Variants in SNAI2 observed in about 807,000 individuals in gnomAD.
SNAI2 encodes snail family transcriptional repressor 2.
Under a neutral mutation model 22.4 loss-of-function variants are expected in SNAI2, and 2 were observed. That is an observed-to-expected ratio of 0.09 (90% confidence interval 0.04 to 0.28). SNAI2 has a LOEUF of 0.28. Ranked by LOEUF, SNAI2 falls within the 10% of genes least tolerant of loss-of-function variation. The probability of loss-of-function intolerance (pLI) is 1.00; values close to 1 mark genes in which losing one functional copy is unlikely to be tolerated. For missense variants in SNAI2, 239 were observed against 320.8 expected (o/e 0.75, Z 1.95); for synonymous variants, 134 against 123.0 (o/e 1.09, Z -0.59).
At chr8:48,919,870 A>G (rs768241482) in intron 2 of SNAI2, 26 bp downstream of exon 2, 3 of 1,610,602 alleles carry the variant, frequency 1.9e-6, no homozygotes, top group South Asian at 2.2e-5. Flanking sequence ...TCAGAGTAAC[A>G]TTCCTGCCTA....
Position 48,920,259 on chromosome 8 carries a change from G to T in SNAI2, c.262C>A (p.Pro88Thr). 1.2e-6 allele frequency: 2 copies of T among 1,614,006 alleles called. No homozygotes were observed. The highest frequency in any genetic ancestry group is 1.1e-5 in the South Asian group (1 of 91,072). Residue 88 changes from proline to threonine, a missense_variant, in exon 2 of 3, where the codon CCC becomes ACC. Around this residue, in one of 3 missense-constraint regions of SNAI2, gnomAD observed 183 missense variants for 190.4 expected, o/e 0.96. Coordinates refer to ENST00000020945, the MANE Select transcript of SNAI2 (RefSeq NM_003068.5). ...GAGGAGGTGTCAGATGGAGGAGGGG[G>T]ACTCACTCGCCCCAAAGATGAGGAG... ...GYSSSLGRVSPPPPSDTSSKD... is the reference protein window; with the variant it reads ...GYSSSLGRVSTPPPSDTSSKD...
At position 48,919,961 on chromosome 8, in the gene SNAI2, C is replaced by T. The variant is rs1306669436; in HGVS notation, c.560G>A (p.Cys187Tyr). The T allele has an allele frequency of 6.2e-7, 1 of 1,614,180 alleles. No homozygotes were observed. The highest frequency in any genetic ancestry group is 8.5e-7 in the Non-Finnish European group (1 of 1,180,044). Residue 187 changes from cysteine to tyrosine, a missense_variant, in exon 2 of 3, where the codon TGC becomes TAC. Physicochemically the swap from Cys to Tyr is radical, Grantham distance 194. Around this residue, in one of 3 missense-constraint regions of SNAI2, gnomAD observed 31 missense variants for 99.0 expected, o/e 0.31. Transcript: ENST00000020945. The part of the protein sequence containing the change: ...HIRTHTLPCV[C>Y]KICGKAFSRP... ...GGAAAACGCCTTGCCGCAGATCTTG[C>T]AAACACAAGGTAATGTGTGGGTCCG...
chr8:48,921,193 G>T lies in SNAI2; in HGVS notation c.73C>A (p.His25Asn). The change falls in exon 1 of 3, where the codon CAT (histidine) becomes AAT (asparagine). Residue 25 changes from histidine (H) to asparagine (N), a missense_variant. His to Asn is a moderately conservative substitution (Grantham distance 68). Coordinates refer to ENST00000020945, the MANE Select transcript of SNAI2 (RefSeq NM_003068.5). ...TATATTTTTCTCTTTTTACCTGTAT[G>T]TGTGTCCAGTTCGCTGTAGTTTGGC... Reference protein sequence around the residue: ...KKPNYSELDTHTVIISPYLYE... With the variant: ...KKPNYSELDTNTVIISPYLYE... 6.2e-7 allele frequency: 1 copy of T among 1,610,996 alleles called. No homozygotes were observed. The highest frequency in any genetic ancestry group is 8.5e-7 in the Non-Finnish European group (1 of 1,177,332).
At position 48,920,335 on chromosome 8, in the gene SNAI2, A is replaced by C. The variant is rs753012648; in HGVS notation, c.186T>G (p.Ala62=). ...TGGGTAGCTGGGCGTGGAATGGAGCAGCGGTAGTCCACACAGTGATGGGGC... is the reference window on the plus strand; with the variant it reads ...TGGGTAGCTGGGCGTGGAATGGAGCCGCGGTAGTCCACACAGTGATGGGGC... ...AYSPITVWTT[A]APFHAQLPNG... is the part of the protein sequence containing the mutation. Residue 62 remains alanine, a synonymous_variant, in exon 2 of 3, where the codon GCT becomes GCG. Transcript: ENST00000020945. 5.6e-6 allele frequency: 9 copies of C among 1,612,450 alleles called. No homozygotes were observed. The highest frequency in any genetic ancestry group is 1.3e-5 in the African/African-American group (1 of 74,836).
At position 48,918,840 on chromosome 8, in the gene SNAI2, T is replaced by A. The variant is rs1477087613; in HGVS notation, c.774A>T (p.Lys258Asn). The A allele has an allele frequency of 6.2e-7, 1 of 1,614,182 alleles. No homozygotes were observed. Among genetic ancestry groups the A allele is most frequent in the Non-Finnish European group, 8.5e-7 (1 of 1,180,016 alleles). Residue 258 changes from lysine (K) to asparagine (N), a missense_variant, in exon 3 of 3, where the codon AAA becomes AAT. Lys to Asn is a moderately conservative substitution (Grantham distance 94). Coordinates refer to ENST00000020945, the MANE Select transcript of SNAI2 (RefSeq NM_003068.5). ...KTFSRMSLLHKHEESGCCVAH is the reference protein window; with the variant it reads ...KTFSRMSLLHNHEESGCCVAH ...CTACACAGCAGCCAGATTCCTCATG[T>A]TTGTGCAGGAGAGACATTCTGGAGA...
Position 48,918,740 on chromosome 8 carries a change from C to G in SNAI2, c.*67G>C. On this transcript the variant is annotated 3_prime_UTR_variant, in exon 3 of 3. Transcript: ENST00000020945. The stretch of plus-strand genomic sequence containing the variant: ...CAGCACAGGAGAAAATGCCTTTGGA[C>G]TTTATTTGTCATTTGGCTTCGGAGT... 6.3e-7 allele frequency: 1 copy of G among 1,581,038 alleles called. No individual in the cohort carries two copies. Among genetic ancestry groups the G allele is most frequent in the Non-Finnish European group, 8.7e-7 (1 of 1,150,584 alleles).
Position 48,919,006 on chromosome 8 carries a change from G to GA in SNAI2, c.626-19dup, listed in dbSNP as rs1307321160. 1.7e-5 allele frequency: 27 copies of GA among 1,607,434 alleles called. No homozygotes were observed. Among genetic ancestry groups the GA allele is most frequent in the Admixed American group, 6.8e-5 (4 of 59,194 alleles). On this transcript the variant is annotated intron_variant, in intron 2 of 2. Coordinates refer to ENST00000020945, the MANE Select transcript of SNAI2 (RefSeq NM_003068.5). Reference sequence around the variant, plus strand: ...CTTCTCCCCTGGGGGTGGAGTGGGAGAAAAAAAGAAAGACAGTCAGTGTTT... The same window carrying GA: ...CTTCTCCCCTGGGGGTGGAGTGGGAGAAAAAAAAGAAAGACAGTCAGTGTTT...
intron 2 of SNAI2, among the ~76,000 whole-genome samples, chr8:48,919,193 C>T (rs934815056): frequency 6.6e-6 from 1 of 152,172 alleles, no homozygotes; most frequent in Non-Finnish European, 1.5e-5. Context: ...AAATCATACA[C>T]GAATATTATT....
At position 48,918,441 on chromosome 8, in the gene SNAI2, C is replaced by A. The variant is rs1806110515; in HGVS notation, c.*366G>T. ...GACTCTATTACAAAGCAATACTGTT[C>A]TTTTCAGTTGAAATGATTTGGCAGC... On this transcript the variant is annotated 3_prime_UTR_variant, in exon 3 of 3. Coordinates refer to ENST00000020945, the MANE Select transcript of SNAI2 (RefSeq NM_003068.5). The A allele has an allele frequency of 2.4e-5, 7 of 290,920 alleles. No individual in the cohort carries two copies. In the South Asian group the frequency reaches 2.5e-4, roughly 11 times the overall value. The allele number at this position is 290,920 out of a possible 1,614,324, so 18.0% of individuals were successfully genotyped here.
Position 48,919,978 on chromosome 8 carries a change from G to T in SNAI2, c.543C>A (p.His181Gln). ...LGALKMHIRT[H>Q]TLPCVCKICG... Reference sequence around the variant, plus strand: ...AGATCTTGCAAACACAAGGTAATGTGTGGGTCCGAATATGCATCTTCAGGG... The same window carrying T: ...AGATCTTGCAAACACAAGGTAATGTTTGGGTCCGAATATGCATCTTCAGGG... Residue 181 changes from histidine to glutamine, a missense_variant, in exon 2 of 3, where the codon CAC (histidine) becomes CAA (glutamine). Transcript: ENST00000020945. 1 of 1,614,214 alleles carries T rather than the reference G, an allele frequency of 6.2e-7. No homozygotes were observed. The highest frequency in any genetic ancestry group is 8.5e-7 in the Non-Finnish European group (1 of 1,180,054).
chr8:48,920,893 C>A (rs1260203445), intron 1 of SNAI2, among the ~76,000 whole-genome samples: 1 of 152,214 alleles, frequency 6.6e-6, no homozygotes, highest in African/African-American at 2.4e-5. Context: ...CGCAGTAATT[C>A]AATCCTTATG....
chr8:48,918,886 C>T lies in SNAI2; in HGVS notation c.728G>A (p.Cys243Tyr). Residue 243 changes from cysteine (C) to tyrosine (Y), a missense_variant, in exon 3 of 3, where the codon TGC (cysteine) becomes TAC (tyrosine). Cys to Tyr is a radical substitution (Grantham distance 194). Transcript: ENST00000020945. ...GGAGAAGGTTTTGGAGCAGTTTTTGCACTGGTATTTCTTTACATCAGAATG... is the reference window on the plus strand; with the variant it reads ...GGAGAAGGTTTTGGAGCAGTTTTTGTACTGGTATTTCTTTACATCAGAATG... The part of the protein sequence containing the change: ...QTHSDVKKYQ[C>Y]KNCSKTFSRM... 6.2e-7 allele frequency: 1 copy of T among 1,614,086 alleles called. No individual in the cohort carries two copies. The highest frequency in any genetic ancestry group is 8.5e-7 in the Non-Finnish European group (1 of 1,180,020).
rs948744406 is a variant in SNAI2, at chr8:48,918,684, T to A, written c.*123A>T. ...GTGTGTGTGTGTGTGTGTGCATATGTGTGTGTGTCTATACATATTATTTGG... is the reference window on the plus strand; with the variant it reads ...GTGTGTGTGTGTGTGTGTGCATATGAGTGTGTGTCTATACATATTATTTGG... On this transcript the variant is annotated 3_prime_UTR_variant, in exon 3 of 3. Coordinates refer to ENST00000020945, the MANE Select transcript of SNAI2 (RefSeq NM_003068.5). The A allele has an allele frequency of 3.0e-5, 25 of 829,444 alleles. 1 individual carries two copies. Among genetic ancestry groups the A allele is most frequent in the African/African-American group, 2.5e-4 (15 of 60,374 alleles). The allele number at this position is 829,444 out of a possible 1,614,324, so 51.4% of individuals were successfully genotyped here.
chr8:48,918,482 A>AT lies in SNAI2; in HGVS notation c.*324dup, dbSNP rs1047955724. On this transcript the variant is annotated 3_prime_UTR_variant, in exon 3 of 3. Coordinates refer to ENST00000020945, the MANE Select transcript of SNAI2 (RefSeq NM_003068.5). ...ATTTGGCAGCAATGTAAATCTTTGC[A>AT]TTTTTTTAGGAAGAAAAGATGCAAT... 27 of 331,362 alleles carry AT rather than the reference A, an allele frequency of 8.1e-5. No individual in the cohort carries two copies. The highest frequency in any genetic ancestry group is 1.1e-4 in the Non-Finnish European group (20 of 175,976). The allele number at this position is 331,362 out of a possible 1,614,324, so 20.5% of individuals were successfully genotyped here. A position where few individuals can be genotyped will look rare whatever the true frequency, so the allele number is the denominator to read the frequency against.
Position 48,918,779 on chromosome 8 carries a change from C to A in SNAI2, c.*28G>T. The A allele has an allele frequency of 6.2e-7, 1 of 1,613,102 alleles. No homozygotes were observed. Among genetic ancestry groups the A allele is most frequent in the Non-Finnish European group, 8.5e-7 (1 of 1,179,140 alleles). ...TGGCTTCGGAGTGAAGAAATGCATTCTGTTCGAGTAAACATTGATTGCGTC... is the reference window on the plus strand; with the variant it reads ...TGGCTTCGGAGTGAAGAAATGCATTATGTTCGAGTAAACATTGATTGCGTC... On this transcript the variant is annotated 3_prime_UTR_variant, in exon 3 of 3. Coordinates refer to ENST00000020945, the MANE Select transcript of SNAI2 (RefSeq NM_003068.5).
Position 48,918,649 on chromosome 8 carries a change from C to T in SNAI2, c.*158G>A. 1 of 683,604 alleles carries T rather than the reference C, an allele frequency of 1.5e-6. No homozygotes were observed. The highest frequency in any genetic ancestry group is 2.6e-6 in the Non-Finnish European group (1 of 386,464). 42.3% of individuals were successfully genotyped at this position (683,604 alleles called of 1,614,324 possible). On this transcript the variant is annotated 3_prime_UTR_variant, in exon 3 of 3. Coordinates refer to ENST00000020945, the MANE Select transcript of SNAI2 (RefSeq NM_003068.5). Reference sequence around the variant, plus strand: ...ATGAATTCCATGCTCTTGCAGCTCTCTCTCTGTGGGTGTGTGTGTGTGTGT... The same window carrying T: ...ATGAATTCCATGCTCTTGCAGCTCTTTCTCTGTGGGTGTGTGTGTGTGTGT...
At chr8:48,921,148 T>G (rs369214660) in intron 1 of SNAI2, 39 bp downstream of exon 1, 1 of 1,382,032 alleles carries the variant, frequency 7.2e-7, no homozygotes, top group Non-Finnish European at 1.0e-6. Flanking sequence ...TTTGCAAAGC[T>G]CTAGATACGT....
chr8:48,918,048 T>C lies in SNAI2; in HGVS notation c.*759A>G, dbSNP rs1416567097. ...TTAATGAATTTGTAAGAATCCTCTT[T>C]TGCACTTATTCCCATCTTTAATTAA... On this transcript the variant is annotated 3_prime_UTR_variant, in exon 3 of 3. Coordinates refer to ENST00000020945, the MANE Select transcript of SNAI2 (RefSeq NM_003068.5). 6.6e-6 allele frequency: 1 copy of C among 152,242 alleles called. No individual in the cohort carries two copies. The highest frequency in any genetic ancestry group is 1.9e-4 in the East Asian group (1 of 5,198). The allele number at this position is 152,242 out of a possible 1,614,324, so 9.4% of individuals were successfully genotyped here. A position where few individuals can be genotyped will look rare whatever the true frequency, so the allele number is the denominator to read the frequency against.
In SNAI2 at chr8:48,918,569, T is replaced by C; in HGVS notation, c.*238A>G. On this transcript the variant is annotated 3_prime_UTR_variant, in exon 3 of 3. Coordinates refer to ENST00000020945, the MANE Select transcript of SNAI2 (RefSeq NM_003068.5). Reference sequence around the variant, plus strand: ...GTCTTTTATTCTCTCAATCTAGCCATCAGCAAATATATAGTAATTTTAAAC... The same window carrying C: ...GTCTTTTATTCTCTCAATCTAGCCACCAGCAAATATATAGTAATTTTAAAC... 1.9e-6 allele frequency: 1 copy of C among 520,880 alleles called. No individual in the cohort carries two copies. Among genetic ancestry groups the C allele is most frequent in the Non-Finnish European group, 3.4e-6 (1 of 291,284 alleles). The allele number at this position is 520,880 out of a possible 1,614,324, so 32.3% of individuals were successfully genotyped here. A position where few individuals can be genotyped will look rare whatever the true frequency, so the allele number is the denominator to read the frequency against.
Sources: gnomAD v4.1 joint callset for allele counts (sites outside exome capture counted in the v4.1 genomes callset) on GRCh38, gnomAD v4.1.1 for gene constraint, gnomAD v4.1.1 regional missense constraint, MANE v1.5 for transcripts, NCBI Gene and HGNC (gene_info 2026-07-23, HGNC 2026-07-21) for gene names.